The following ACTN1 variants were observed in gnomAD, a reference collection of about 807,000 sequenced individuals.
The protein encoded by ACTN1 is alpha-actinin-1.
ACTN1 carries 30 observed loss-of-function variants against 119.6 expected under a neutral mutation model. The observed-to-expected ratio is 0.25, with a 90% CI of 0.19 to 0.34. The LOEUF (loss-of-function observed/expected upper bound fraction) is 0.34. Ranked by LOEUF, ACTN1 falls within the 10% of genes least tolerant of loss-of-function variation. The pLI is 1.00. For missense variants in ACTN1, 764 were observed against 1,223.4 expected (o/e 0.62, Z 5.60); for synonymous variants, 429 against 472.6 (o/e 0.91, Z 1.20).
At chr14:68,966,166 G>T (rs186873601) in intron 1 of ACTN1, among the ~76,000 whole-genome samples, 4 of 152,304 alleles carry the variant, frequency 2.6e-5, no homozygotes, top group Admixed American at 2.6e-4. Flanking sequence ...GCAGTAAGCT[G>T]AGATCATGCC....
Position 68,879,103 on chromosome 14 carries a change from C to CGGT in ACTN1, c.2281-37_2281-35dup. 1.3e-6 allele frequency: 2 copies of CGGT among 1,493,640 alleles called. No individual in the cohort carries two copies. The highest frequency in any genetic ancestry group is 1.8e-6 in the Non-Finnish European group (2 of 1,108,002). 92.5% of individuals were successfully genotyped at this position (1,493,640 alleles called of 1,614,324 possible). A position where few individuals can be genotyped will look rare whatever the true frequency, so the allele number is the denominator to read the frequency against. On this transcript the variant is annotated intron_variant, in intron 18 of 21. Coordinates refer to ENST00000394419, the MANE Select transcript of ACTN1 (RefSeq NM_001130004.2). The surrounding 1 kb of genome is among the most constrained non-coding windows in gnomAD (Gnocchi z 4.9). The stretch of plus-strand genomic sequence containing the variant: ...GCGGTGCGCCAGGCAGCGAGCCATG[C>CGGT]GGTGTCAGGGAGGTGGAGCCGTGAG...
chr14:68,905,074 T>G (rs1243523293), intron 6 of ACTN1, among the ~76,000 whole-genome samples: 3 of 152,204 alleles, frequency 2.0e-5, no homozygotes, highest in African/African-American at 7.2e-5. Context: ...TGGCTTCTGG[T>G]TTCAGCTCTG....
intron 16 of ACTN1, 41 bp from the exon 17 acceptor site, chr14:68,881,030 T>G (rs113901106): frequency 6.2e-7 from 1 of 1,604,504 alleles, no homozygotes; most frequent in Non-Finnish European, 8.5e-7. Context: ...ACCACCTCAC[T>G]CTGCTCCCAT....
At chr14:68,888,060 C>T in intron 11 of ACTN1, 1 of 717,504 alleles carries the variant, frequency 1.4e-6, no homozygotes, top group Non-Finnish European at 2.6e-6. Flanking sequence ...GCTCCTTCAG[C>T]AGAGCTGACC....
Position 68,878,489 on chromosome 14 carries a change from C to G in ACTN1, c.2396G>C (p.Arg799Pro). The G allele has an allele frequency of 6.3e-7, 1 of 1,580,688 alleles. No homozygotes were observed. Among genetic ancestry groups the G allele is most frequent in the East Asian group, 2.2e-5 (1 of 44,574 alleles). The change falls in exon 20 of 22, where the codon CGC becomes CCC. Residue 799 changes from arginine (R) to proline (P), a missense_variant. Physicochemically the swap from Arg to Pro is moderately radical, Grantham distance 103. Transcript: ENST00000394419. This position sits in a 1 kb window ranked among gnomAD's most constrained non-coding sequence, Gnocchi z 4.4. The part of the protein sequence containing the change: ...KTGMMDTDDF[R>P]ACLISMGYNM... ...GTAACCCATGGAGATCAGGCAGGCG[C>G]GGAAATCATCCGTGTCCATCATGCC...
intron 1 of ACTN1, among the ~76,000 whole-genome samples, chr14:68,969,072 G>A (rs2036795820): frequency 6.6e-6 from 1 of 152,190 alleles, no homozygotes; most frequent in African/African-American, 2.4e-5. Flanking sequence ...TCAGTGAGGG[G>A]GTGGCACACG....
At chr14:68,927,801 A>C (rs2071795690) in intron 1 of ACTN1, among the ~76,000 whole-genome samples, 1 of 152,204 alleles carries the variant, frequency 6.6e-6, no homozygotes, top group African/African-American at 2.4e-5. Flanking sequence ...AAGGATTTTT[A>C]ACTCTTTAAA....
At chr14:68,915,851 C>A (rs1391357140) in intron 3 of ACTN1, among the ~76,000 whole-genome samples, 1 of 152,150 alleles carries the variant, frequency 6.6e-6, no homozygotes, top group East Asian at 1.9e-4. Context: ...ACCCCGTCTC[C>A]ACTAAAACAG....
intron 7 of ACTN1, among the ~76,000 whole-genome samples, chr14:68,903,734 C>A (rs1566619939): frequency 6.6e-6 from 1 of 152,264 alleles, no homozygotes; most frequent in East Asian, 1.9e-4. Context: ...CAAGACCCAG[C>A]CTGACCCCAG....
At chr14:68,899,072 CCACA>C (rs1281177480) in intron 8 of ACTN1, among the ~76,000 whole-genome samples, 2 of 137,924 alleles carry the variant, frequency 1.5e-5, no homozygotes, top group Admixed American at 1.4e-4. Context: ...ACCTCACACA[CCACA>C]CACACACCTC....
chr14:68,979,144 G>A lies in ACTN1; in HGVS notation c.-88C>T, dbSNP rs913072723. On this transcript the variant is annotated 5_prime_UTR_variant, in exon 1 of 22. Coordinates refer to ENST00000394419, the MANE Select transcript of ACTN1 (RefSeq NM_001130004.2). ...TGCCCTGGCGTGGGGAGGGAGTAGG[G>A]CTGGGCTGGGCTGGGCTGGCGGGGC... 1.5e-5 allele frequency: 11 copies of A among 748,198 alleles called. No individual in the cohort carries two copies. Among genetic ancestry groups the A allele is most frequent in the Non-Finnish European group, 2.1e-5 (10 of 479,834 alleles). The allele number at this position is 748,198 out of a possible 1,614,324, so 46.3% of individuals were successfully genotyped here.
At chr14:68,945,272 A>G (rs2035907841) in intron 1 of ACTN1, among the ~76,000 whole-genome samples, 1 of 125,966 alleles carries the variant, frequency 7.9e-6, no homozygotes, top group Non-Finnish European at 1.7e-5. Context: ...AAAAAACTGA[A>G]AAAAAAAAAG....
intron 3 of ACTN1, among the ~76,000 whole-genome samples, chr14:68,913,531 T>A (rs1279165734): frequency 6.6e-6 from 1 of 152,210 alleles, no homozygotes; most frequent in Non-Finnish European, 1.5e-5. Context: ...GGATTTCCAT[T>A]AAGGATGGTA....
Position 68,884,653 on chromosome 14 carries a change from G to A in ACTN1, c.1494+122C>T. 5 of 862,690 alleles carry A rather than the reference G, an allele frequency of 5.8e-6. No individual in the cohort carries two copies. The Middle Eastern group carries it at 9.6e-4, about 165-fold the overall frequency. The allele number at this position is 862,690 out of a possible 1,614,324, so 53.4% of individuals were successfully genotyped here. On this transcript the variant is annotated intron_variant, in intron 13 of 21. Coordinates refer to ENST00000394419, the MANE Select transcript of ACTN1 (RefSeq NM_001130004.2). Reference sequence around the variant, plus strand: ...GTGAATCTTCCACATTTAGGCCAGGGTTGGGGGAGGTCTGGGGAAGCCATA... The same window carrying A: ...GTGAATCTTCCACATTTAGGCCAGGATTGGGGGAGGTCTGGGGAAGCCATA...
intron 8 of ACTN1, among the ~76,000 whole-genome samples, chr14:68,898,901 T>C (rs115681417): frequency 0.023 from 3,384 of 149,680 alleles, 103 homozygotes; most frequent in African/African-American, 0.079. Context: ...TCCCACACAC[T>C]CCACACACCC....
chr14:68,888,009 C>T (rs1024423084), intron 11 of ACTN1: 3 of 749,332 alleles, frequency 4.0e-6, no homozygotes, highest in East Asian at 5.1e-5. Context: ...GGAGGTTTAA[C>T]TGACAACCGC....
intron 7 of ACTN1, among the ~76,000 whole-genome samples, chr14:68,903,066 T>A (rs1426627290): frequency 3.3e-5 from 5 of 152,230 alleles, no homozygotes; most frequent in Admixed American, 3.3e-4. Flanking sequence ...TTTTTAAGGA[T>A]GTATTCGGAA....
intron 3 of ACTN1, among the ~76,000 whole-genome samples, chr14:68,915,452 A>G (rs1265994877): frequency 6.6e-6 from 1 of 152,186 alleles, no homozygotes; most frequent in African/African-American, 2.4e-5. Context: ...ACAGGTGTAC[A>G]TGTGTATTTT....
At chr14:68,962,690 T>A (rs538019525) in intron 1 of ACTN1, among the ~76,000 whole-genome samples, 2 of 152,344 alleles carry the variant, frequency 1.3e-5, no homozygotes, top group East Asian at 3.9e-4. Flanking sequence ...TCTCACCAAG[T>A]CCTACTTCTC....
Sources: allele counts gnomAD v4.1 joint callset (sites outside exome capture counted in the v4.1 genomes callset), GRCh38; gene constraint gnomAD v4.1.1; non-coding constraint Gnocchi (gnomAD v3.1); transcripts MANE v1.5; gene names NCBI Gene and HGNC (gene_info 2026-07-23, HGNC 2026-07-21).